Variants in CCDC197 observed in about 807,000 individuals in gnomAD.
CCDC197 encodes the protein uncharacterized protein CCDC197.
Under a neutral mutation model 13.4 loss-of-function variants are expected in CCDC197, and 24 were observed. The observed-to-expected ratio is 1.80, with a 90% confidence interval of 1.30 to 2.53. CCDC197 has a LOEUF of 2.53. CCDC197 is among the 30% of genes most tolerant of loss of function. CCDC197 has a pLI of 0.00. For missense variants in CCDC197, 255 were observed against 148.8 expected (o/e 1.71, Z -3.71); for synonymous variants, 99 against 55.5 (o/e 1.78, Z -3.48).
chr14:93,995,744 C>G (rs1890278738), upstream of CCDC197, among the ~76,000 whole-genome samples: 1 of 152,144 alleles, frequency 6.6e-6, no homozygotes. Flanking sequence ...CCGCATGGAT[C>G]TCCAGGGCTG....
Position 93,997,994 on chromosome 14 carries a change from G to T in CCDC197, c.-133-5G>T. On this transcript the variant is annotated splice_polypyrimidine_tract_variant and splice_region_variant and intron_variant, in intron 1 of 6. Transcript: ENST00000636493. Reference sequence around the variant, plus strand: ...TTTCTGAACCTCTGTCTCCTTTTCTGTGAGGTGGGGATGCTAACCCTGGCT... The same window carrying T: ...TTTCTGAACCTCTGTCTCCTTTTCTTTGAGGTGGGGATGCTAACCCTGGCT... 1.6e-6 allele frequency: 1 copy of T among 639,344 alleles called. No homozygotes were observed. Among genetic ancestry groups the T allele is most frequent in the Non-Finnish European group, 2.8e-6 (1 of 352,142 alleles). 39.6% of individuals were successfully genotyped at this position (639,344 alleles called of 1,614,324 possible). A position where few individuals can be genotyped will look rare whatever the true frequency, so the allele number is the denominator to read the frequency against.
intron 1 of CCDC197, 39 bp from the exon 2 acceptor site, chr14:93,997,960 C>T (rs917357147): frequency 2.6e-5 from 16 of 613,708 alleles, no homozygotes; most frequent in Middle Eastern, 3.5e-4. Context: ...TTAAGCTGCT[C>T]ACAGCCCCTT....
At position 94,008,834 on chromosome 14, in the gene CCDC197, C is replaced by T; in HGVS notation, c.*22C>T. 1 of 688,468 alleles carries T rather than the reference C, an allele frequency of 1.5e-6. No individual in the cohort carries two copies. Among genetic ancestry groups the T allele is most frequent in the Non-Finnish European group, 2.7e-6 (1 of 374,254 alleles). The allele number at this position is 688,468 out of a possible 1,614,324, so 42.6% of individuals were successfully genotyped here. A position where few individuals can be genotyped will look rare whatever the true frequency, so the allele number is the denominator to read the frequency against. On this transcript the variant is annotated 3_prime_UTR_variant, in exon 7 of 7. Coordinates refer to ENST00000636493, the MANE Select transcript of CCDC197 (RefSeq NM_001351596.2). ...CTGACCAGCCTGCGCCTTGCAGGCC[C>T]CATGGCATCACGACCTCTCCTTACC...
chr14:93,989,540 C>T (rs188239750), intron 1 of CCDC197, among the ~76,000 whole-genome samples: 1 of 152,290 alleles, frequency 6.6e-6, no homozygotes, highest in East Asian at 1.9e-4. Context: ...AGGAAGCCAT[C>T]AGGATTTCAT....
upstream of CCDC197, among the ~76,000 whole-genome samples, chr14:93,993,281 C>G (rs908903333): frequency 6.6e-6 from 1 of 152,362 alleles, no homozygotes; most frequent in East Asian, 1.9e-4. Context: ...CAGATACTCT[C>G]TTAAAGAGTT....
At chr14:94,010,163 T>A (rs1441244632), downstream of CCDC197, among the ~76,000 whole-genome samples, 1 of 151,258 alleles carries the variant, frequency 6.6e-6, no homozygotes, top group Non-Finnish European at 1.5e-5. Context: ...GGCCAGGTTT[T>A]AAGAGTAGTA....
upstream of CCDC197, chr14:93,997,145 G>A (rs967055645): frequency 6.6e-6 from 1 of 152,346 alleles, no homozygotes; most frequent in African/African-American, 2.4e-5. Flanking sequence ...TTGGGAACGG[G>A]ACTGGGAGTT....
upstream of CCDC197, among the ~76,000 whole-genome samples, chr14:93,995,590 G>A (rs560024701): frequency 1.6e-4 from 24 of 152,300 alleles, no homozygotes; most frequent in South Asian, 1.2e-3. Flanking sequence ...GGGCTCTTAG[G>A]ATATGACTGT....
upstream of CCDC197, among the ~76,000 whole-genome samples, chr14:93,993,279 C>G (rs187840112): frequency 2.6e-5 from 4 of 152,346 alleles, no homozygotes; most frequent in Admixed American, 2.6e-4. Flanking sequence ...AACAGATACT[C>G]TCTTAAAGAG....
At chr14:94,000,300 C>G (rs1261877406) in intron 3 of CCDC197, among the ~76,000 whole-genome samples, 2 of 152,146 alleles carry the variant, frequency 1.3e-5, no homozygotes, top group African/African-American at 2.4e-5. Context: ...GTCACTCAGG[C>G]TCAGAGAGGG....
chr14:93,996,595 C>T (rs1431866678), upstream of CCDC197, among the ~76,000 whole-genome samples: 10 of 152,216 alleles, frequency 6.6e-5, no homozygotes, highest in Non-Finnish European at 5.9e-5. Flanking sequence ...GCCTCCTTCA[C>T]CCTCTCTGGG....
rs938960720 is a variant in CCDC197 at position 93,991,153 on chromosome 14, G to C, written c.-107+3757G>C. Among the ~76,000 whole-genome samples, 9 of 152,300 alleles carry C rather than the reference G, an allele frequency of 5.9e-5. No individual in the cohort carries two copies. In the South Asian group the frequency reaches 1.9e-3, roughly 32 times the overall value. On this transcript the variant is annotated intron_variant, in intron 1 of 7. Transcript: ENST00000640978. ...GTTGTTAAACTAGGACTGAGGCAGG[G>C]GACACCGGAAGAAACTTATTTGGAT...
At chr14:94,010,207 G>A (rs1890785260), downstream of CCDC197, among the ~76,000 whole-genome samples, 1 of 151,726 alleles carries the variant, frequency 6.6e-6, no homozygotes, top group African/African-American at 2.4e-5. Context: ...TTGTTTGTTT[G>A]TTGTCGTTGT....
intron 2 of CCDC197, 101 bp from the exon 3 acceptor site, chr14:93,999,482 C>T (rs762702022): frequency 4.9e-5 from 36 of 736,156 alleles, no homozygotes; most frequent in Non-Finnish European, 4.0e-5. Flanking sequence ...GCCCAGTGCA[C>T]GTCCAAGCAG....
chr14:94,001,717 C>T (rs531361482), intron 4 of CCDC197: 2 of 165,536 alleles, frequency 1.2e-5, no homozygotes, highest in East Asian at 3.5e-4. Flanking sequence ...CACAAACTGC[C>T]TCAAAGTAAG....
chr14:94,001,924 A>G (rs958952739), intron 4 of CCDC197, among the ~76,000 whole-genome samples: 4 of 152,142 alleles, frequency 2.6e-5, no homozygotes, highest in African/African-American at 9.7e-5. Flanking sequence ...GTTCACTGCA[A>G]AGGGTTGCTG....
chr14:93,996,718 G>A (rs1301342911), upstream of CCDC197, among the ~76,000 whole-genome samples: 2 of 152,190 alleles, frequency 1.3e-5, no homozygotes, highest in Non-Finnish European at 2.9e-5. Flanking sequence ...TGAGGGGGAA[G>A]GCCAGGCCAG....
downstream of CCDC197, among the ~76,000 whole-genome samples, chr14:94,010,865 C>T (rs1175178064): frequency 1.3e-5 from 2 of 152,178 alleles, no homozygotes; most frequent in Non-Finnish European, 2.9e-5. Context: ...CATTAATCTT[C>T]CCCAGTGCAG....
chr14:94,004,028 T>A (rs1037573860), intron 5 of CCDC197, among the ~76,000 whole-genome samples: 1 of 152,144 alleles, frequency 6.6e-6, no homozygotes, highest in Non-Finnish European at 1.5e-5. Flanking sequence ...GAGTAGGTGT[T>A]CTTAAATATT....
Sources: gnomAD v4.1 joint callset for allele counts (sites outside exome capture counted in the v4.1 genomes callset) on GRCh38, gnomAD v4.1.1 for gene constraint, MANE v1.5 for transcripts, NCBI Gene and HGNC (gene_info 2026-07-23, HGNC 2026-07-21) for gene names.